Variants in TRAF5 observed in about 807,000 individuals in gnomAD.
TRAF5 encodes the protein TNF receptor-associated factor 5.
TRAF5 carries 48 observed loss-of-function variants against 64.5 expected under a neutral mutation model. The observed-to-expected ratio is 0.74, with a 90% CI of 0.59 to 0.95. TRAF5 has a LOEUF of 0.95. Among genes scored for constraint, TRAF5 ranks in the 40% least tolerant of loss-of-function variants. TRAF5 has a pLI of 0.00. For synonymous variants in TRAF5, 206 were observed against 240.5 expected (o/e 0.86, Z 1.33); for missense variants, 545 against 662.8 (o/e 0.82, Z 1.95).
At chr1:211,343,091 T>C (rs1702489778) in intron 1 of TRAF5, among the ~76,000 whole-genome samples, 2 of 152,222 alleles carry the variant, frequency 1.3e-5, no homozygotes. Context: ...GCTGTACTAA[T>C]TTACATTCCT....
At chr1:211,369,701 T>C in intron 9 of TRAF5, 109 bp downstream of exon 9, 1 of 1,225,280 alleles carries the variant, frequency 8.2e-7, no homozygotes, top group Admixed American at 2.7e-5. Flanking sequence ...AGAAAAGCTG[T>C]AAGAATAAGA....
In TRAF5 at chr1:211,343,106, A is replaced by G. The variant is rs767330054; in HGVS notation, c.-1-10133A>G. On this transcript the variant is annotated intron_variant, in intron 1 of 10. Transcript: ENST00000261464. ...GCTGTACTAATTTACATTCCTACCA[A>G]CAGTGTATGAGGGTTCCCTTTACTC... is the stretch of plus-strand genomic sequence containing the variant. Among the ~76,000 whole-genome samples, 23 of 152,308 alleles carry G rather than the reference A, an allele frequency of 1.5e-4. 1 individual carries two copies. The highest frequency in any genetic ancestry group is 2.1e-4 in the South Asian group (1 of 4,812).
chr1:211,360,796 C>A lies in TRAF5; in HGVS notation c.621+17C>A. 6.2e-7 allele frequency: 1 copy of A among 1,600,086 alleles called. No homozygotes were observed. Among genetic ancestry groups the A allele is most frequent in the Non-Finnish European group, 8.6e-7 (1 of 1,167,570 alleles). The stretch of plus-strand genomic sequence containing the variant: ...AAAACTGAGGTAACTGCAAATAATC[C>A]TCTCTGTAGATTTTATGGAAGATAA... On this transcript the variant is annotated intron_variant, in intron 6 of 10. Transcript: ENST00000261464.
intron 6 of TRAF5, 107 bp from the exon 7 acceptor site, chr1:211,360,981 C>T: frequency 5.0e-6 from 6 of 1,190,904 alleles, no homozygotes; most frequent in Non-Finnish European, 7.4e-6. Flanking sequence ...AGGCCTCTCT[C>T]CTTCTCCTGG....
At chr1:211,353,200 G>T (rs778690168) in intron 1 of TRAF5, 39 bp from the exon 2 acceptor site, 24 of 1,583,792 alleles carry the variant, frequency 1.5e-5, no homozygotes, top group Non-Finnish European at 2.0e-5. Context: ...TTCAGTGTTT[G>T]CACACTTAAT....
At chr1:211,361,029 T>C (rs1703161351) in intron 6 of TRAF5, 59 bp from the exon 7 acceptor site, 1 of 1,549,512 alleles carries the variant, frequency 6.5e-7, no homozygotes, top group Non-Finnish European at 8.9e-7. Context: ...GGCTCCCTGA[T>C]TGCTGCAGTT....
chr1:211,347,809 T>TTCCTAG (rs1702658318), intron 1 of TRAF5, among the ~76,000 whole-genome samples: 1 of 152,256 alleles, frequency 6.6e-6, no homozygotes, highest in African/African-American at 2.4e-5. Flanking sequence ...AGGAAGTCAC[T>TTCCTAG]TAATGGACTC....
chr1:211,343,495 C>T (rs926078746), intron 1 of TRAF5, among the ~76,000 whole-genome samples: 1 of 152,126 alleles, frequency 6.6e-6, no homozygotes, highest in African/African-American at 2.4e-5. Flanking sequence ...CATCATAGCT[C>T]ACTGTAGCCT....
chr1:211,354,687 C>T (rs912302192), intron 3 of TRAF5, among the ~76,000 whole-genome samples: 1 of 152,110 alleles, frequency 6.6e-6, no homozygotes, highest in Non-Finnish European at 1.5e-5. Flanking sequence ...CAAGTCTCCT[C>T]TCCTGCTTCT....
chr1:211,338,007 G>A (rs187436574), intron 1 of TRAF5, among the ~76,000 whole-genome samples: 1 of 152,270 alleles, frequency 6.6e-6, no homozygotes, highest in East Asian at 1.9e-4. Flanking sequence ...GAGCTGGGAC[G>A]TGCTCACCCA....
chr1:211,349,034 TA>T lies in TRAF5; in HGVS notation c.-1-4181del, dbSNP rs373131975. On this transcript the variant is annotated intron_variant, in intron 1 of 10. Transcript: ENST00000261464. ...GGGCAACATAGTGAGACTCTGTCTC[TA>T]AAAAAAAAAAAAAAAAAAAAAAATT... Among the ~76,000 whole-genome samples, 305 of 84,658 alleles carry T rather than the reference TA, an allele frequency of 3.6e-3. 2 individuals are homozygous for T. Among genetic ancestry groups the T allele is most frequent in the Admixed American group, 5.6e-3 (37 of 6,612 alleles). 55.5% of individuals were successfully genotyped at this position (84,658 alleles called of 152,430 possible).
At chr1:211,352,238 T>A (rs1192060527) in intron 1 of TRAF5, among the ~76,000 whole-genome samples, 3 of 152,192 alleles carry the variant, frequency 2.0e-5, no homozygotes, top group African/African-American at 7.2e-5. Flanking sequence ...ACGTCTTACA[T>A]GGATGGCAGT....
chr1:211,352,686 G>C (rs556219905), intron 1 of TRAF5, among the ~76,000 whole-genome samples: 1 of 152,140 alleles, frequency 6.6e-6, no homozygotes, highest in Admixed American at 6.6e-5. Context: ...CCTCAGACTG[G>C]GTAGTTTATA....
At chr1:211,370,407 A>T (rs1360847588) in intron 9 of TRAF5, among the ~76,000 whole-genome samples, 1 of 151,336 alleles carries the variant, frequency 6.6e-6, no homozygotes, top group Non-Finnish European at 1.5e-5. Flanking sequence ...ACACACACAC[A>T]CACACCCTTC....
At chr1:211,328,663 T>A (rs1483623233) in intron 1 of TRAF5, among the ~76,000 whole-genome samples, 1 of 152,162 alleles carries the variant, frequency 6.6e-6, no homozygotes, top group African/African-American at 2.4e-5. Context: ...TCAGAGTCAG[T>A]CTTGTTAGGC....
intron 1 of TRAF5, among the ~76,000 whole-genome samples, chr1:211,344,102 C>G (rs1702521613): frequency 6.6e-6 from 1 of 152,132 alleles, no homozygotes. Context: ...GAGAAGAGTT[C>G]CACTAAAGGC....
At chr1:211,343,160 C>T (rs1395067081) in intron 1 of TRAF5, among the ~76,000 whole-genome samples, 2 of 152,144 alleles carry the variant, frequency 1.3e-5, no homozygotes, top group African/African-American at 2.4e-5. Flanking sequence ...TCATTATCAT[C>T]GTTTTACAGA....
intron 7 of TRAF5, among the ~76,000 whole-genome samples, chr1:211,364,303 G>A (rs1703278267): frequency 6.6e-6 from 1 of 152,204 alleles, no homozygotes; most frequent in African/African-American, 2.4e-5. Context: ...AAAATCAGGT[G>A]GCATTCCTCC....
In TRAF5 at chr1:211,328,547, G is replaced by A. The variant is rs143343034; in HGVS notation, c.-2+1658G>A. ...AAGCCCGCTGGACTTGGGTAGTAGG[G>A]CGATGGAAAGAGTGTGGAAAAGAGC... On this transcript the variant is annotated intron_variant, in intron 1 of 10. Transcript: ENST00000261464. Among the ~76,000 whole-genome samples the A allele has an allele frequency of 2.6e-3, 396 of 152,298 alleles. 4 individuals carry two copies. The highest frequency in any genetic ancestry group is 0.017 in the Admixed American group (265 of 15,302).
Sources: allele counts gnomAD v4.1 joint callset (sites outside exome capture counted in the v4.1 genomes callset), GRCh38; gene constraint gnomAD v4.1.1; transcripts MANE v1.5; gene names NCBI Gene and HGNC (gene_info 2026-07-23, HGNC 2026-07-21).